The following YIPF4 variants were observed in gnomAD, a reference collection of about 807,000 sequenced individuals.
The protein encoded by YIPF4 is protein YIPF4.
Under a neutral mutation model 29.4 loss-of-function variants are expected in YIPF4, and 18 were observed. That is an observed-to-expected ratio of 0.61 (90% confidence interval 0.42 to 0.91). The LOEUF (loss-of-function observed/expected upper bound fraction) is 0.91, where lower values mean the gene tolerates loss of function less well. YIPF4 is among the 40% of genes least tolerant of loss of function. The probability of loss-of-function intolerance (pLI) is 0.00; values close to 1 mark genes in which losing one functional copy is unlikely to be tolerated. For missense variants in YIPF4, 279 were observed against 282.7 expected (o/e 0.99, Z 0.09); for synonymous variants, 115 against 104.7 (o/e 1.10, Z -0.60).
intron 1 of YIPF4, among the ~76,000 whole-genome samples, chr2:32,288,135 T>A (rs2030754638): frequency 6.6e-6 from 1 of 152,210 alleles, no homozygotes; most frequent in Non-Finnish European, 1.5e-5. Context: ...TCCTGTTCTT[T>A]CTCACTGACA....
At position 32,315,220 on chromosome 2, in the gene YIPF4, TGTCA is replaced by T. The variant is rs2031798125; in HGVS notation, c.*9599_*9602del. 2 of 152,240 alleles carry T rather than the reference TGTCA, an allele frequency of 1.3e-5. No individual in the cohort carries two copies. Among genetic ancestry groups the T allele is most frequent in the African/African-American group, 4.8e-5 (2 of 41,466 alleles). The allele number at this position is 152,240 out of a possible 1,614,324, so 9.4% of individuals were successfully genotyped here. ...GAAGCTTAAGAGACCAAATGGAGCA[TGTCA>T]GTCAAAGGTGTCCTTATTTAAAATC... On this transcript the variant is annotated 3_prime_UTR_variant, in exon 6 of 6. Transcript: ENST00000238831.
At chr2:32,300,183 T>C (rs1195909193) in intron 4 of YIPF4, among the ~76,000 whole-genome samples, 1 of 152,136 alleles carries the variant, frequency 6.6e-6, no homozygotes, top group African/African-American at 2.4e-5. Context: ...GGAGAATCTC[T>C]TGAACCCGGG....
chr2:32,307,104 G>A lies in YIPF4; in HGVS notation c.*1478G>A, dbSNP rs2031604685. The A allele has an allele frequency of 7.7e-7, 1 of 1,296,508 alleles. No individual in the cohort carries two copies. The highest frequency in any genetic ancestry group is 1.3e-5 in the South Asian group (1 of 79,284). The allele number at this position is 1,296,508 out of a possible 1,614,324, so 80.3% of individuals were successfully genotyped here. A position where few individuals can be genotyped will look rare whatever the true frequency, so the allele number is the denominator to read the frequency against. On this transcript the variant is annotated 3_prime_UTR_variant, in exon 6 of 6. Coordinates refer to ENST00000238831, the MANE Select transcript of YIPF4 (RefSeq NM_032312.4). ...CATGTACTGATTTTTTTAAAAACAG[G>A]TGAGAAGCACCAGAGGGACAGGACT...
chr2:32,302,493 A>G (rs1361958885), intron 5 of YIPF4, among the ~76,000 whole-genome samples: 2 of 152,176 alleles, frequency 1.3e-5, no homozygotes, highest in Admixed American at 6.5e-5. Context: ...AATATGATAG[A>G]TGTGGTTCTA....
At chr2:32,288,120 G>A (rs1221139745) in intron 1 of YIPF4, among the ~76,000 whole-genome samples, 1 of 151,602 alleles carries the variant, frequency 6.6e-6, no homozygotes, top group East Asian at 1.9e-4. Context: ...TAATTTTTTG[G>A]ACTTTCCTGT....
Position 32,279,656 on chromosome 2 carries a change from G to A in YIPF4, c.79+1422G>A, listed in dbSNP as rs186933207. Among the ~76,000 whole-genome samples the A allele has an allele frequency of 4.4e-3, 655 of 150,154 alleles. 4 individuals carry two copies. Among genetic ancestry groups the A allele is most frequent in the African/African-American group, 0.015 (623 of 40,818 alleles). On this transcript the variant is annotated intron_variant, in intron 1 of 5. Coordinates refer to ENST00000238831, the MANE Select transcript of YIPF4 (RefSeq NM_032312.4). ...GATCTCCTGACCTCGTGATCCGTCC[G>A]CCTCGGCCTCCCAAAGTGCTGGGAT...
chr2:32,304,839 AT>A (rs2031521996), intron 5 of YIPF4, among the ~76,000 whole-genome samples: 2 of 152,194 alleles, frequency 1.3e-5, no homozygotes, highest in African/African-American at 2.4e-5. Flanking sequence ...AGTAGAAATA[AT>A]TTAAAAGTAT....
chr2:32,280,653 A>G (rs996934498), intron 1 of YIPF4, among the ~76,000 whole-genome samples: 12 of 152,154 alleles, frequency 7.9e-5, no homozygotes, highest in Non-Finnish European at 1.8e-4. Flanking sequence ...AAGTGCTGGG[A>G]TTACAGGCGT....
intron 1 of YIPF4, among the ~76,000 whole-genome samples, chr2:32,289,136 A>G (rs2148960486): frequency 6.6e-6 from 1 of 152,302 alleles, no homozygotes; most frequent in East Asian, 1.9e-4. Flanking sequence ...TAAGTGGTGA[A>G]TTCAAATCTG....
chr2:32,282,517 C>G (rs1057006492), intron 1 of YIPF4, among the ~76,000 whole-genome samples: 1 of 152,148 alleles, frequency 6.6e-6, no homozygotes, highest in Non-Finnish European at 1.5e-5. Context: ...ACTGCAACCT[C>G]TGCCTCCCGG....
chr2:32,311,510 C>T lies in YIPF4; in HGVS notation c.*5884C>T, dbSNP rs1034449955. 1 of 152,098 alleles carries T rather than the reference C, an allele frequency of 6.6e-6. No homozygotes were observed. The highest frequency in any genetic ancestry group is 1.5e-5 in the Non-Finnish European group (1 of 68,008). 9.4% of individuals were successfully genotyped at this position (152,098 alleles called of 1,614,324 possible). ...TCAGCAAGATATTTGCAAGTTTTTA[C>T]TTTGAAGATGTTTGGTTTATAGTAG... is the stretch of plus-strand genomic sequence containing the variant. On this transcript the variant is annotated 3_prime_UTR_variant, in exon 6 of 6. Coordinates refer to ENST00000238831, the MANE Select transcript of YIPF4 (RefSeq NM_032312.4).
chr2:32,293,211 G>A (rs1334044651), intron 3 of YIPF4, among the ~76,000 whole-genome samples: 2 of 152,092 alleles, frequency 1.3e-5, no homozygotes, highest in Admixed American at 6.6e-5. Flanking sequence ...AAAGGTCTCT[G>A]GTTTTCCTAG....
chr2:32,301,382 G>T lies in YIPF4; in HGVS notation c.484G>T (p.Val162Phe). Residue 162 changes from valine to phenylalanine, a missense_variant and splice_region_variant, in exon 5 of 6, where the codon GTT (valine) becomes TTT (phenylalanine). Coordinates refer to ENST00000238831, the MANE Select transcript of YIPF4 (RefSeq NM_032312.4). ...FLLARVLGGE[V>F]AYGQVLGVIG... is the part of the protein sequence containing the mutation. The stretch of plus-strand genomic sequence containing the variant: ...TATTTGAAATTTTCAAAATTCACAG[G>T]TTGCATATGGCCAAGTCCTTGGAGT... 6.3e-7 allele frequency: 1 copy of T among 1,585,900 alleles called. No individual in the cohort carries two copies. Among genetic ancestry groups the T allele is most frequent in the Admixed American group, 1.8e-5 (1 of 54,848 alleles).
chr2:32,309,530 A>G lies in YIPF4; in HGVS notation c.*3904A>G, dbSNP rs1170936708. 6.6e-6 allele frequency: 1 copy of G among 152,212 alleles called. No individual in the cohort carries two copies. Among genetic ancestry groups the G allele is most frequent in the Admixed American group, 6.6e-5 (1 of 15,262 alleles). The allele number at this position is 152,212 out of a possible 1,614,324, so 9.4% of individuals were successfully genotyped here. ...ATTGTTTAAAATTTAGTCATTTAAA[A>G]ATTTTGTGATGTAACAAAATGTTGA... On this transcript the variant is annotated 3_prime_UTR_variant, in exon 6 of 6. Transcript: ENST00000238831.
chr2:32,306,157 A>T lies in YIPF4; in HGVS notation c.*531A>T. 1 of 812,592 alleles carries T rather than the reference A, an allele frequency of 1.2e-6. No homozygotes were observed. The highest frequency in any genetic ancestry group is 1.5e-6 in the Non-Finnish European group (1 of 672,568). 50.3% of individuals were successfully genotyped at this position (812,592 alleles called of 1,614,324 possible). On this transcript the variant is annotated 3_prime_UTR_variant, in exon 6 of 6. Coordinates refer to ENST00000238831, the MANE Select transcript of YIPF4 (RefSeq NM_032312.4). Reference sequence around the variant, plus strand: ...CACAAACTTTTTAATTTGGCCATTAATCTTTTTTATTTAAAAATTTAAATT... The same window carrying T: ...CACAAACTTTTTAATTTGGCCATTATTCTTTTTTATTTAAAAATTTAAATT...
At chr2:32,284,576 C>G (rs927518225) in intron 1 of YIPF4, among the ~76,000 whole-genome samples, 9 of 152,118 alleles carry the variant, frequency 5.9e-5, no homozygotes, top group Non-Finnish European at 1.2e-4. Flanking sequence ...TGCAATCTGC[C>G]GTGATTGTAA....
intron 1 of YIPF4, among the ~76,000 whole-genome samples, chr2:32,289,753 A>G (rs1270410317): frequency 6.6e-6 from 1 of 152,214 alleles, no homozygotes; most frequent in East Asian, 1.9e-4. Context: ...TAATGTGGAT[A>G]ACTGAATCTC....
At chr2:32,303,499 A>T (rs573399244) in intron 5 of YIPF4, among the ~76,000 whole-genome samples, 1 of 152,264 alleles carries the variant, frequency 6.6e-6, no homozygotes, top group Non-Finnish European at 1.5e-5. Flanking sequence ...AGTTGAGCCC[A>T]GTTCGAGACT....
chr2:32,281,148 G>A (rs769377993), intron 1 of YIPF4, among the ~76,000 whole-genome samples: 64 of 151,848 alleles, frequency 4.2e-4, no homozygotes, highest in Non-Finnish European at 6.3e-4. Context: ...GTATATCCAC[G>A]GAGCTATATG....
Sources: allele counts gnomAD v4.1 joint callset (sites outside exome capture counted in the v4.1 genomes callset), GRCh38; gene constraint gnomAD v4.1.1; transcripts MANE v1.5; gene names NCBI Gene and HGNC (gene_info 2026-07-23, HGNC 2026-07-21).